The following TM9SF4 variants were observed in gnomAD, a reference collection of about 807,000 sequenced individuals.
TM9SF4 encodes the protein transmembrane 9 superfamily member 4.
A neutral mutation model predicts 90.4 loss-of-function variants in TM9SF4; 26 were observed. The observed-to-expected ratio is 0.29, with a 90% CI of 0.21 to 0.40. TM9SF4 has a LOEUF of 0.40. Ranked by LOEUF, TM9SF4 falls within the 10% of genes least tolerant of loss-of-function variation. The probability of loss-of-function intolerance (pLI) is 1.00; values close to 1 mark genes in which losing one functional copy is unlikely to be tolerated. For missense variants in TM9SF4, 549 were observed against 834.8 expected (o/e 0.66, Z 4.22); for synonymous variants, 293 against 315.4 (o/e 0.93, Z 0.75).
At chr20:32,152,304 C>T (rs1162168476) in intron 12 of TM9SF4, among the ~76,000 whole-genome samples, 1 of 151,634 alleles carries the variant, frequency 6.6e-6, no homozygotes, top group Non-Finnish European at 1.5e-5. Flanking sequence ...CAGATACCCT[C>T]CAGGATTTCC....
At chr20:32,136,200 A>G (rs776219652) in intron 3 of TM9SF4, 27 bp downstream of exon 3, 1 of 1,606,964 alleles carries the variant, frequency 6.2e-7, no homozygotes, top group Non-Finnish European at 8.5e-7. Context: ...CACTGCTGTC[A>G]ACTTGTCCCC....
intron 1 of TM9SF4, among the ~76,000 whole-genome samples, chr20:32,110,904 G>A (rs747426873): frequency 1.5e-4 from 23 of 152,198 alleles, no homozygotes; most frequent in Admixed American, 3.3e-4. Flanking sequence ...ATGATTTCCT[G>A]GGTCTTCCTG....
rs1207506997 is a variant in TM9SF4, at chr20:32,161,356, C to T, written c.1770C>T (p.Phe590=). The change falls in exon 17 of 18, where the codon TTC becomes TTT. Residue 590 remains phenylalanine (F), a synonymous_variant. Transcript: ENST00000398022. Reference sequence around the variant, plus strand: ...TCCTGGTTTATGCCATCTTTTATTTCGTTAACAAGGTACTGCCCTCCTTGA... The same window carrying T: ...TCCTGGTTTATGCCATCTTTTATTTTGTTAACAAGGTACTGCCCTCCTTGA... ...FYVLVYAIFY[F]VNKLDIVEFI... 8.1e-6 allele frequency: 13 copies of T among 1,613,888 alleles called. No homozygotes were observed. The highest frequency in any genetic ancestry group is 2.2e-5 in the South Asian group (2 of 91,084).
intron 1 of TM9SF4, among the ~76,000 whole-genome samples, chr20:32,125,575 A>G (rs905884938): frequency 3.3e-5 from 5 of 151,524 alleles, no homozygotes; most frequent in South Asian, 2.1e-4. Context: ...GGTAATTTCC[A>G]TGCATGCTCA....
chr20:32,109,788 G>C, intron 1 of TM9SF4, 33 bp downstream of exon 1: 2 of 1,551,476 alleles, frequency 1.3e-6, no homozygotes, highest in Non-Finnish European at 1.7e-6. Context: ...GCGGGAGCTG[G>C]AGCGGGGCCC....
At chr20:32,156,338 A>G (rs1250695562) in intron 13 of TM9SF4, among the ~76,000 whole-genome samples, 1 of 152,226 alleles carries the variant, frequency 6.6e-6, no homozygotes, top group African/African-American at 2.4e-5. Context: ...CTAAGGAAGT[A>G]TTGTTAGCTC....
rs1434118350 is a variant in TM9SF4, at chr20:32,133,571, G to A, written c.129+445G>A. Among the ~76,000 whole-genome samples the A allele has an allele frequency of 2.0e-5, 3 of 151,982 alleles. No homozygotes were observed. In the East Asian group the frequency reaches 5.8e-4, roughly 29 times the overall value. On this transcript the variant is annotated intron_variant, in intron 2 of 17. Coordinates refer to ENST00000398022, the MANE Select transcript of TM9SF4 (RefSeq NM_014742.4). ...ACATTGTGAACGTCTCTTTTCCTTG[G>A]CAGTCAGACTTGTAACTTGCAGGAA...
chr20:32,145,087 T>G lies in TM9SF4; in HGVS notation c.653-4T>G. On this transcript the variant is annotated splice_region_variant and splice_polypyrimidine_tract_variant and intron_variant, in intron 6 of 17. Coordinates refer to ENST00000398022, the MANE Select transcript of TM9SF4 (RefSeq NM_014742.4). ...GGAACAGACTGAGTCTGTGTCTCTC[T>G]CAGACCTCAAAGCAGATGAGAAGAG... The G allele has an allele frequency of 6.2e-7, 1 of 1,613,840 alleles. No homozygotes were observed. The highest frequency in any genetic ancestry group is 8.5e-7 in the Non-Finnish European group (1 of 1,179,726).
At chr20:32,157,727 C>T (rs1277358726) in intron 13 of TM9SF4, 67 bp from the exon 14 acceptor site, 2 of 1,572,612 alleles carry the variant, frequency 1.3e-6, no homozygotes, top group African/African-American at 1.3e-5. Flanking sequence ...AAGGTCCCCT[C>T]CCCCTTGCGC....
intron 6 of TM9SF4, 70 bp from the exon 7 acceptor site, chr20:32,145,021 G>A: frequency 1.4e-6 from 2 of 1,479,796 alleles, no homozygotes; most frequent in Non-Finnish European, 1.9e-6. Context: ...CTTGAGGGCA[G>A]CCCCTGGAAT....
intron 1 of TM9SF4, among the ~76,000 whole-genome samples, chr20:32,116,862 C>CTTTTTTTTTTTTTTTTTTTT (rs201365030): frequency 2.1e-5 from 2 of 95,852 alleles, no homozygotes; most frequent in Non-Finnish European, 4.0e-5. Flanking sequence ...TTTCCTTTTT[C>CTTTTTTTTTTTTTTTTTTTT]TTTTTTTTTT....
Position 32,167,196 on chromosome 20 carries a change from T to C in TM9SF4, c.*1752T>C, listed in dbSNP as rs1421347716. ...AATCATTATCATTATTATTTTTAAT[T>C]AAAAAAATGCCTGTATGCCTTTTTT... On this transcript the variant is annotated 3_prime_UTR_variant, in exon 18 of 18. Transcript: ENST00000398022. 2.0e-5 allele frequency: 3 copies of C among 152,160 alleles called. No individual in the cohort carries two copies. The highest frequency in any genetic ancestry group is 4.8e-5 in the African/African-American group (2 of 41,434). The allele number at this position is 152,160 out of a possible 1,614,324, so 9.4% of individuals were successfully genotyped here.
At chr20:32,151,744 C>T (rs567310613) in intron 12 of TM9SF4, among the ~76,000 whole-genome samples, 31 of 151,870 alleles carry the variant, frequency 2.0e-4, no homozygotes, top group Middle Eastern at 6.8e-3. Context: ...TACAATGGCG[C>T]GATCTCGGAT....
intron 2 of TM9SF4, among the ~76,000 whole-genome samples, chr20:32,134,250 G>A (rs991632010): frequency 1.3e-5 from 2 of 152,154 alleles, no homozygotes; most frequent in African/African-American, 4.8e-5. Flanking sequence ...GTATGTGAGG[G>A]TGGACGCCTT....
Position 32,159,698 on chromosome 20 carries a change from A to G in TM9SF4, c.1570-294A>G, listed in dbSNP as rs2046984853. The G allele has an allele frequency of 7.0e-6, 3 of 428,054 alleles. No individual in the cohort carries two copies. The South Asian group carries it at 8.9e-5, about 13-fold the overall frequency. The allele number at this position is 428,054 out of a possible 1,614,324, so 26.5% of individuals were successfully genotyped here. On this transcript the variant is annotated intron_variant, in intron 15 of 17. Transcript: ENST00000398022. ...GGCCTAGCGCTTGGTAAGCTGCTCA[A>G]GTGGTGGTGGCTGCTCTATAATTTT...
At chr20:32,139,612 C>T (rs2046642135) in intron 3 of TM9SF4, among the ~76,000 whole-genome samples, 1 of 152,254 alleles carries the variant, frequency 6.6e-6, no homozygotes, top group African/African-American at 2.4e-5. Context: ...CACAAAACAG[C>T]CAGAATGATC....
intron 1 of TM9SF4, among the ~76,000 whole-genome samples, chr20:32,124,740 C>A (rs537086154): frequency 1.3e-5 from 2 of 152,252 alleles, no homozygotes; most frequent in South Asian, 4.1e-4. Context: ...GCGTGTGCCA[C>A]CACGCCTGGC....
chr20:32,134,676 C>CTT (rs1179671625), intron 2 of TM9SF4, among the ~76,000 whole-genome samples: 3 of 145,094 alleles, frequency 2.1e-5, no homozygotes, highest in Non-Finnish European at 3.0e-5. Context: ...TTTTTCTTTT[C>CTT]TTTTTTTTTT....
At chr20:32,158,978 T>C (rs1426437708) in intron 15 of TM9SF4, among the ~76,000 whole-genome samples, 3 of 109,496 alleles carry the variant, frequency 2.7e-5, no homozygotes, top group Admixed American at 9.2e-5. Flanking sequence ...AGAGACTCCA[T>C]CTAAAAAAAA....
Sources: allele counts gnomAD v4.1 joint callset (sites outside exome capture counted in the v4.1 genomes callset), GRCh38; gene constraint gnomAD v4.1.1; transcripts MANE v1.5; gene names NCBI Gene and HGNC (gene_info 2026-07-23, HGNC 2026-07-21).